The following RALGAPA2 variants were observed in gnomAD, a reference collection of about 807,000 sequenced individuals.
RALGAPA2 encodes the protein Ral GTPase activating protein catalytic subunit alpha 2, also known as ral GTPase-activating protein subunit alpha-2.
In RALGAPA2, 139 loss-of-function variants were observed where a neutral mutation model predicts 230.4. That is an observed-to-expected ratio of 0.60 (90% CI 0.53 to 0.69). The LOEUF is 0.69. Ranked by LOEUF, RALGAPA2 falls within the 30% of genes least tolerant of loss-of-function variation. The probability of loss-of-function intolerance (pLI) is 0.00; values close to 1 mark genes in which losing one functional copy is unlikely to be tolerated. For missense variants in RALGAPA2, 2,163 were observed against 2,276.0 expected, an observed-to-expected ratio of 0.95 and a Z score of 1.01; for synonymous variants, 847 against 837.8, an observed-to-expected ratio of 1.01 and a Z score of -0.19.
chr20:20,521,202 G>GA, intron 30 of RALGAPA2, 102 bp from the exon 31 acceptor site: 3 of 925,442 alleles, frequency 3.2e-6, no homozygotes, highest in African/African-American at 1.7e-5. Context: ...ACTCCTGCTT[G>GA]GTCCTAGCTG....
intron 23 of RALGAPA2, among the ~76,000 whole-genome samples, chr20:20,547,821 T>C (rs188657206): frequency 5.3e-5 from 8 of 152,224 alleles, no homozygotes; most frequent in Non-Finnish European, 1.5e-5. Flanking sequence ...CTTGTGAACA[T>C]CATAGAGTGA....
rs188003816 is a variant in RALGAPA2, at chr20:20,617,427, G to A, written c.1540-1236C>T. Among the ~76,000 whole-genome samples the A allele has an allele frequency of 4.7e-3, 717 of 152,204 alleles. 6 individuals carry two copies. The highest frequency in any genetic ancestry group is 0.016 in the African/African-American group (671 of 41,540). ...AGTCATGAAGAATTTACTAGCCTTCGAGTAAGAAAAACAAAAACAAAGAGC... is the reference window on the plus strand; with the variant it reads ...AGTCATGAAGAATTTACTAGCCTTCAAGTAAGAAAAACAAAAACAAAGAGC... On this transcript the variant is annotated intron_variant, in intron 12 of 39. Transcript: ENST00000202677.
intron 38 of RALGAPA2, among the ~76,000 whole-genome samples, chr20:20,399,990 G>A (rs2059798600): frequency 6.6e-6 from 1 of 152,238 alleles, no homozygotes. Context: ...GAGCTGGCAT[G>A]GATGAGGGAG....
chr20:20,567,004 T>C (rs1280094608), intron 23 of RALGAPA2, among the ~76,000 whole-genome samples: 1 of 152,222 alleles, frequency 6.6e-6, no homozygotes, highest in African/African-American at 2.4e-5. Flanking sequence ...TCTATATGCA[T>C]ATTTGCAACA....
chr20:20,441,971 A>G (rs184336269), intron 37 of RALGAPA2, among the ~76,000 whole-genome samples: 24 of 152,382 alleles, frequency 1.6e-4, no homozygotes, highest in Non-Finnish European at 3.2e-4. Flanking sequence ...AATGAAAAAG[A>G]GTATCTGAAT....
At chr20:20,545,227 CT>C (rs1167830384) in intron 24 of RALGAPA2, among the ~76,000 whole-genome samples, 5 of 149,196 alleles carry the variant, frequency 3.4e-5, no homozygotes, top group Admixed American at 6.7e-5. Context: ...TCTTCTTCTA[CT>C]TTTTTTTTTC....
chr20:20,540,408 A>G (rs985799231), intron 24 of RALGAPA2, among the ~76,000 whole-genome samples: 7 of 152,374 alleles, frequency 4.6e-5, no homozygotes, highest in Non-Finnish European at 1.0e-4. Context: ...AATGTATATA[A>G]CATTACATAA....
chr20:20,675,634 A>C (rs1479152064), intron 3 of RALGAPA2, among the ~76,000 whole-genome samples: 1 of 152,184 alleles, frequency 6.6e-6, no homozygotes, highest in East Asian at 1.9e-4. Flanking sequence ...GAAAGACTTT[A>C]AGCTTAATAA....
At chr20:20,573,123 C>T in intron 20 of RALGAPA2, 55 bp from the exon 21 acceptor site, 1 of 1,361,168 alleles carries the variant, frequency 7.3e-7, no homozygotes, top group South Asian at 1.8e-5. Flanking sequence ...TTCATCATAC[C>T]TTTTTTCTTT....
chr20:20,643,556 G>T lies in RALGAPA2; in HGVS notation c.329-7C>A. The T allele has an allele frequency of 6.8e-7, 1 of 1,462,818 alleles. No homozygotes were observed. Among genetic ancestry groups the T allele is most frequent in the Non-Finnish European group, 9.2e-7 (1 of 1,082,824 alleles). 90.6% of individuals were successfully genotyped at this position (1,462,818 alleles called of 1,614,324 possible). A position where few individuals can be genotyped will look rare whatever the true frequency, so the allele number is the denominator to read the frequency against. ...AGCTTCTTTAAAGTTGAGCCTGAAA[G>T]TTTAAAATAATGAATTATAAATAGA... On this transcript the variant is annotated splice_region_variant and splice_polypyrimidine_tract_variant and intron_variant, in intron 4 of 39. Coordinates refer to ENST00000202677, the MANE Select transcript of RALGAPA2 (RefSeq NM_020343.4).
intron 10 of RALGAPA2, among the ~76,000 whole-genome samples, chr20:20,623,648 C>CT (rs1457911513): frequency 6.6e-6 from 1 of 152,174 alleles, no homozygotes; most frequent in African/African-American, 2.4e-5. Flanking sequence ...TCTCACCTCT[C>CT]TGTCTCTCTG....
At chr20:20,554,954 T>C (rs182581877) in intron 23 of RALGAPA2, among the ~76,000 whole-genome samples, 47 of 152,368 alleles carry the variant, frequency 3.1e-4, no homozygotes, top group Non-Finnish European at 6.2e-4. Flanking sequence ...TCCATTTTTC[T>C]TCTGTTGCTT....
intron 1 of RALGAPA2, among the ~76,000 whole-genome samples, chr20:20,690,075 G>C (rs955330794): frequency 2.0e-5 from 3 of 152,108 alleles, no homozygotes; most frequent in African/African-American, 4.8e-5. Flanking sequence ...AGACATAAGT[G>C]TATTCTACAA....
intron 37 of RALGAPA2, among the ~76,000 whole-genome samples, chr20:20,453,177 G>C (rs565386467): frequency 6.6e-6 from 1 of 152,320 alleles, no homozygotes; most frequent in African/African-American, 2.4e-5. Context: ...AAATATGTGA[G>C]GTTCTTAGTG....
Position 20,392,312 on chromosome 20 carries a change from A to G in RALGAPA2, c.*977T>C, listed in dbSNP as rs1358912981. 1 of 152,238 alleles carries G rather than the reference A, an allele frequency of 6.6e-6. No homozygotes were observed. The highest frequency in any genetic ancestry group is 1.5e-5 in the Non-Finnish European group (1 of 68,040). 9.4% of individuals were successfully genotyped at this position (152,238 alleles called of 1,614,324 possible). ...CCAAAAGCTTTGTGTGACAAGAAAC[A>G]TTTCTGAGGCCTGTGTGAGGCCTCT... On this transcript the variant is annotated 3_prime_UTR_variant, in exon 40 of 40. Coordinates refer to ENST00000202677, the MANE Select transcript of RALGAPA2 (RefSeq NM_020343.4).
intron 18 of RALGAPA2, among the ~76,000 whole-genome samples, chr20:20,585,494 T>G (rs577306534): frequency 6.6e-6 from 1 of 152,312 alleles, no homozygotes; most frequent in South Asian, 2.1e-4. Flanking sequence ...TAAGTTATAA[T>G]TTGCTTGGAG....
intron 23 of RALGAPA2, among the ~76,000 whole-genome samples, chr20:20,555,757 T>G (rs2064065883): frequency 6.6e-6 from 1 of 152,260 alleles, no homozygotes; most frequent in Non-Finnish European, 1.5e-5. Flanking sequence ...TCTTGTATCC[T>G]GCAATCTTAC....
intron 1 of RALGAPA2, 30 bp from the exon 2 acceptor site, chr20:20,680,831 A>C (rs759385452): frequency 2.0e-6 from 3 of 1,529,850 alleles, no homozygotes; most frequent in Non-Finnish European, 2.6e-6. Context: ...ATTTATGACA[A>C]TTCACTTTAT....
chr20:20,582,701 T>C (rs978776465), intron 20 of RALGAPA2, among the ~76,000 whole-genome samples: 7 of 152,180 alleles, frequency 4.6e-5, no homozygotes, highest in Non-Finnish European at 7.3e-5. Flanking sequence ...ACTTCATTAC[T>C]GTTCCCCGTA....
Sources: allele counts gnomAD v4.1 joint callset (sites outside exome capture counted in the v4.1 genomes callset), GRCh38; gene constraint gnomAD v4.1.1; transcripts MANE v1.5; gene names NCBI Gene and HGNC (gene_info 2026-07-23, HGNC 2026-07-21).